Variants in MSRA observed in about 807,000 individuals in gnomAD.
MSRA encodes the protein mitochondrial peptide methionine sulfoxide reductase.
In MSRA, 54 loss-of-function variants were observed where a neutral mutation model predicts 31.3. That is an observed-to-expected ratio of 1.73 (90% confidence interval 1.39 to 2.17). MSRA has a LOEUF of 2.17. Ranked by LOEUF, MSRA falls within the 30% of genes most tolerant of loss-of-function variation. The pLI, the probability that MSRA is intolerant of heterozygous loss-of-function variation, is 0.00. For synonymous variants in MSRA, 169 were observed against 116.5 expected (o/e 1.45, Z -2.90); for missense variants, 507 against 300.9 (o/e 1.69, Z -5.07).
At chr8:10,379,038 T>C (rs925259674) in intron 5 of MSRA, among the ~76,000 whole-genome samples, 7 of 152,238 alleles carry the variant, frequency 4.6e-5, no homozygotes, top group African/African-American at 1.7e-4. Flanking sequence ...TGGACTTTTT[T>C]TCACTTAACA....
intron 3 of MSRA, among the ~76,000 whole-genome samples, chr8:10,285,164 A>G (rs1458895280): frequency 6.6e-6 from 1 of 152,076 alleles, no homozygotes; most frequent in African/African-American, 2.4e-5. Flanking sequence ...AGCTCTCTTC[A>G]TCTTGTAAAA....
At chr8:10,130,864 C>T (rs914096287) in intron 1 of MSRA, among the ~76,000 whole-genome samples, 1 of 152,148 alleles carries the variant, frequency 6.6e-6, no homozygotes, top group African/African-American at 2.4e-5. Flanking sequence ...GCTAATGACA[C>T]CTCCGAGGAA....
At chr8:10,176,150 C>T (rs906014996) in intron 1 of MSRA, among the ~76,000 whole-genome samples, 5 of 152,162 alleles carry the variant, frequency 3.3e-5, no homozygotes, top group South Asian at 2.1e-4. Context: ...CAGTTTGAAA[C>T]GATCTCAAAT....
intron 5 of MSRA, among the ~76,000 whole-genome samples, chr8:10,322,735 A>C (rs142267412): frequency 6.6e-6 from 1 of 152,156 alleles, no homozygotes; most frequent in Non-Finnish European, 1.5e-5. Context: ...GGGAGTTGTC[A>C]ACTTATATTT....
At chr8:10,418,279 C>T (rs987470285) in intron 5 of MSRA, among the ~76,000 whole-genome samples, 2 of 152,128 alleles carry the variant, frequency 1.3e-5, no homozygotes, top group South Asian at 2.1e-4. Context: ...ACTGCAGGTA[C>T]CCTCTTTCTT....
At chr8:10,227,035 C>T (rs917216484) in intron 2 of MSRA, among the ~76,000 whole-genome samples, 1 of 152,170 alleles carries the variant, frequency 6.6e-6, no homozygotes, top group African/African-American at 2.4e-5. Flanking sequence ...TCTAGAGATC[C>T]ATGGCTCACC....
chr8:10,264,843 C>T (rs942195316), intron 3 of MSRA, among the ~76,000 whole-genome samples: 1 of 152,166 alleles, frequency 6.6e-6, no homozygotes, highest in African/African-American at 2.4e-5. Context: ...GTTAGATAGT[C>T]CCACCTGCTG....
chr8:10,070,933 C>T (rs545035627), intron 1 of MSRA, among the ~76,000 whole-genome samples: 1 of 152,320 alleles, frequency 6.6e-6, no homozygotes, highest in East Asian at 1.9e-4. Flanking sequence ...CAGTCTTTGG[C>T]TGTTACGAGT....
At chr8:10,270,208 G>C (rs1798957217) in intron 3 of MSRA, among the ~76,000 whole-genome samples, 1 of 152,132 alleles carries the variant, frequency 6.6e-6, no homozygotes, top group Non-Finnish European at 1.5e-5. Context: ...GTCTTTGAAA[G>C]TTTTACTTAT....
At chr8:10,057,722 C>T (rs1057290615) in intron 1 of MSRA, among the ~76,000 whole-genome samples, 5 of 152,172 alleles carry the variant, frequency 3.3e-5, no homozygotes, top group African/African-American at 9.7e-5. Flanking sequence ...CCCCTTTGCG[C>T]TCTCTCGTTC....
chr8:10,220,445 G>A (rs1213824705), intron 2 of MSRA, among the ~76,000 whole-genome samples: 1 of 152,220 alleles, frequency 6.6e-6, no homozygotes, highest in Non-Finnish European at 1.5e-5. Flanking sequence ...AATATGCTTA[G>A]CATAAGCTGA....
chr8:10,241,886 CCA>C (rs1349313191), intron 2 of MSRA, among the ~76,000 whole-genome samples: 1 of 152,186 alleles, frequency 6.6e-6, no homozygotes, highest in African/African-American at 2.4e-5. Context: ...TCCTCAGAAT[CCA>C]CAGTGTGAGA....
At chr8:10,170,772 C>G (rs1170645941) in intron 1 of MSRA, among the ~76,000 whole-genome samples, 1 of 152,166 alleles carries the variant, frequency 6.6e-6, no homozygotes, top group Non-Finnish European at 1.5e-5. Flanking sequence ...CTTGCAGGAA[C>G]TGAGGGACAA....
chr8:10,096,084 T>C lies in MSRA; in HGVS notation c.142+41426T>C, dbSNP rs772360030. 2.4e-5 allele frequency: 33 copies of C among 1,353,556 alleles called. No homozygotes were observed. The African/African-American group carries it at 4.4e-4, about 18-fold the overall frequency. The allele number at this position is 1,353,556 out of a possible 1,614,324, so 83.8% of individuals were successfully genotyped here. A position where few individuals can be genotyped will look rare whatever the true frequency, so the allele number is the denominator to read the frequency against. ...TTATTTTATTTTATTTTTAGACATT[T>C]ATAGACATTAACTTTTCAAGGAGCC... On this transcript the variant is annotated intron_variant, in intron 1 of 5. Coordinates refer to ENST00000317173, the MANE Select transcript of MSRA (RefSeq NM_012331.5).
At chr8:10,144,095 T>C (rs1403674390) in intron 1 of MSRA, among the ~76,000 whole-genome samples, 1 of 152,046 alleles carries the variant, frequency 6.6e-6, no homozygotes, top group Admixed American at 6.5e-5. Context: ...CCCTATAGTA[T>C]AGTGACCGGA....
At chr8:10,349,732 A>G (rs990130827) in intron 5 of MSRA, among the ~76,000 whole-genome samples, 1 of 152,212 alleles carries the variant, frequency 6.6e-6, no homozygotes, top group Non-Finnish European at 1.5e-5. Flanking sequence ...AAATGTCACT[A>G]ACACAAGCTG....
chr8:10,230,772 T>C (rs1811399358), intron 2 of MSRA, among the ~76,000 whole-genome samples: 1 of 152,164 alleles, frequency 6.6e-6, no homozygotes, highest in African/African-American at 2.4e-5. Context: ...CTTACCTATT[T>C]GTGGGTTTGT....
intron 1 of MSRA, among the ~76,000 whole-genome samples, chr8:10,162,942 T>G (rs1804792631): frequency 6.6e-6 from 1 of 152,112 alleles, no homozygotes; most frequent in African/African-American, 2.4e-5. Flanking sequence ...AGTTTGCACC[T>G]CTCCAAATTC....
chr8:10,368,906 T>G (rs1397886524), intron 5 of MSRA, among the ~76,000 whole-genome samples: 1 of 152,182 alleles, frequency 6.6e-6, no homozygotes, highest in South Asian at 2.1e-4. Context: ...AAGCAAAGGC[T>G]TCTCCCCTAC....
Sources: gnomAD v4.1 joint callset for allele counts (sites outside exome capture counted in the v4.1 genomes callset) on GRCh38, gnomAD v4.1.1 for gene constraint, MANE v1.5 for transcripts, NCBI Gene and HGNC (gene_info 2026-07-23, HGNC 2026-07-21) for gene names.